ARHGAP29: variants seen among roughly 807,000 people sequenced by gnomAD.
The protein encoded by ARHGAP29 is Rho GTPase activating protein 29, also known as rho GTPase-activating protein 29.
A neutral mutation model predicts 122.6 loss-of-function variants in ARHGAP29; 43 were observed. The ratio of observed to expected loss-of-function variants is 0.35; its 90% CI spans 0.27 to 0.45. The LOEUF (loss-of-function observed/expected upper bound fraction) is 0.45. Ranked by LOEUF, ARHGAP29 falls within the 20% of genes least tolerant of loss-of-function variation. The pLI is 1.00. For missense variants in ARHGAP29, 1,303 were observed against 1,477.2 expected (o/e 0.88, Z 1.93); for synonymous variants, 506 against 497.1 (o/e 1.02, Z -0.24).
the ARHGAP29 span, among the ~76,000 whole-genome samples, chr1:94,309,251 G>A: frequency 1.6e-4 from 24 of 152,324 alleles, no homozygotes; most frequent in African/African-American, 5.8e-4. Flanking sequence ...TGATAGATGA[G>A]GAAACTGAGG....
intron 1 of ARHGAP29, among the ~76,000 whole-genome samples, chr1:94,272,565 T>G (rs1241978533): frequency 6.6e-6 from 1 of 152,220 alleles, no homozygotes; most frequent in African/African-American, 2.4e-5. Context: ...AGCCAGTGAT[T>G]GAAATGGGAA....
the ARHGAP29 span, among the ~76,000 whole-genome samples, chr1:94,284,205 A>C: frequency 1.3e-5 from 2 of 152,186 alleles, no homozygotes; most frequent in African/African-American, 4.8e-5. Flanking sequence ...TTAAGTGTTT[A>C]GAGAGCTTTA....
At chr1:94,245,063 A>G (rs1385716863) in intron 1 of ARHGAP29, among the ~76,000 whole-genome samples, 1 of 152,208 alleles carries the variant, frequency 6.6e-6, no homozygotes, top group Admixed American at 6.5e-5. Flanking sequence ...AATAGTCAGA[A>G]GAAATTTTAA....
chr1:94,184,910 A>C lies in ARHGAP29; in HGVS notation c.2071T>G (p.Cys691Gly). 1.9e-6 allele frequency: 3 copies of C among 1,609,100 alleles called. No individual in the cohort carries two copies. Among genetic ancestry groups the C allele is most frequent in the Non-Finnish European group, 2.5e-6 (3 of 1,178,488 alleles). Residue 691 changes from cysteine (C) to glycine (G), a missense_variant, in exon 18 of 23, where the codon TGT becomes GGT. By Grantham distance (159) the Cys-to-Gly change is radical. Around this residue, in one of 3 missense-constraint regions of ARHGAP29, gnomAD observed 91 missense variants for 177.8 expected, o/e 0.51. Coordinates refer to ENST00000260526, the MANE Select transcript of ARHGAP29 (RefSeq NM_004815.4). ...GCTCTATTTTCAATCTCTGAGGCAC[A>C]TATTTTGAGTATAAAAGGGATACCA... Reference protein sequence around the residue: ...PDGIPFILKICASEIENRALC... With the variant: ...PDGIPFILKIGASEIENRALC...
Position 94,189,970 on chromosome 1 carries a change from T to G in ARHGAP29, c.1395A>C (p.Glu465Asp), listed in dbSNP as rs762740606. ...KLYDPGQEYS[E>D]FVKATNSTEE... ...CAGTTGAATTTGTGGCCTTGACAAA[T>G]TCACTGTACTCTTGGCCTGGGTCAT... Residue 465 changes from glutamate (E) to aspartate (D), a missense_variant, in exon 13 of 23, where the codon GAA becomes GAC. By Grantham distance (45) the Glu-to-Asp change is conservative. Transcript: ENST00000260526. The G allele has an allele frequency of 1.3e-5, 21 of 1,613,368 alleles. No homozygotes were observed. Among genetic ancestry groups the G allele is most frequent in the Middle Eastern group, 3.3e-4 (2 of 6,080 alleles).
intron 2 of ARHGAP29, 63 bp downstream of exon 2, chr1:94,231,344 C>A: frequency 7.2e-7 from 1 of 1,398,194 alleles, no homozygotes. Flanking sequence ...AACTTATCTG[C>A]TAGGCCAGCA....
At position 94,208,919 on chromosome 1, in the gene ARHGAP29, T is replaced by C. The variant is rs746388373; in HGVS notation, c.438-15A>G. The C allele has an allele frequency of 3.2e-5, 52 of 1,608,120 alleles. No individual in the cohort carries two copies. The highest frequency in any genetic ancestry group is 2.0e-4 in the Admixed American group (12 of 59,700). On this transcript the variant is annotated splice_polypyrimidine_tract_variant and intron_variant, in intron 4 of 22. Coordinates refer to ENST00000260526, the MANE Select transcript of ARHGAP29 (RefSeq NM_004815.4). ...AGTTTGTAAGGCTATCCAAGGAGGT[T>C]AAAAAAAGAAAGACAAGTCATTATA...
chr1:94,296,952 G>C, the ARHGAP29 span, among the ~76,000 whole-genome samples: 1 of 152,174 alleles, frequency 6.6e-6, no homozygotes, highest in Non-Finnish European at 1.5e-5. Context: ...GCTTTTTATG[G>C]ATTTCATTTT....
the ARHGAP29 span, among the ~76,000 whole-genome samples, chr1:94,281,445 A>G: frequency 1.3e-5 from 2 of 151,286 alleles, no homozygotes; most frequent in Non-Finnish European, 3.0e-5. Context: ...GGAACAGCCC[A>G]GCACGTAAAG....
the ARHGAP29 span, among the ~76,000 whole-genome samples, chr1:94,284,874 T>A: frequency 1.3e-5 from 2 of 152,174 alleles, no homozygotes; most frequent in Admixed American, 1.3e-4. Context: ...CATAAACATA[T>A]GTTGAAGGAA....
intron 1 of ARHGAP29, among the ~76,000 whole-genome samples, chr1:94,269,221 G>T (rs1654899029): frequency 2.0e-5 from 3 of 152,148 alleles, no homozygotes; most frequent in Admixed American, 2.0e-4. Flanking sequence ...GAGCATTCAT[G>T]TAATTAACTT....
intron 5 of ARHGAP29, among the ~76,000 whole-genome samples, chr1:94,208,396 T>C (rs1014654535): frequency 2.6e-5 from 4 of 152,204 alleles, no homozygotes; most frequent in African/African-American, 9.6e-5. Context: ...TTAAAAACAT[T>C]ACTACCATAA....
intron 15 of ARHGAP29, among the ~76,000 whole-genome samples, chr1:94,187,911 C>G (rs895895538): frequency 6.6e-6 from 1 of 152,064 alleles, no homozygotes; most frequent in Non-Finnish European, 1.5e-5. Context: ...GAACCCAGTG[C>G]TGCGTGAAAA....
chr1:94,275,962 A>T (rs1655171003), upstream of ARHGAP29, among the ~76,000 whole-genome samples: 1 of 151,612 alleles, frequency 6.6e-6, no homozygotes, highest in Admixed American at 6.5e-5. Flanking sequence ...AACCTTAAAA[A>T]AAAAAAGTTT....
intron 1 of ARHGAP29, among the ~76,000 whole-genome samples, chr1:94,234,472 T>C (rs1653127184): frequency 6.6e-6 from 1 of 152,204 alleles, no homozygotes; most frequent in Non-Finnish European, 1.5e-5. Flanking sequence ...GGATTTCTAT[T>C]ATTGCTCCTC....
chr1:94,257,551 A>C (rs1427864780), intron 1 of ARHGAP29, among the ~76,000 whole-genome samples: 1 of 150,174 alleles, frequency 6.7e-6, no homozygotes, highest in African/African-American at 2.4e-5. Context: ...CTACAAAAGT[A>C]AAAAAAAAAT....
chr1:94,209,227 T>C, intron 4 of ARHGAP29, 27 bp downstream of exon 4: 1 of 1,496,326 alleles, frequency 6.7e-7, no homozygotes, highest in Non-Finnish European at 9.3e-7. Context: ...TAGGACTAGT[T>C]GCTTTAAATG....
intron 13 of ARHGAP29, 69 bp from the exon 14 acceptor site, chr1:94,189,421 C>G: frequency 7.0e-7 from 1 of 1,438,350 alleles, no homozygotes; most frequent in South Asian, 1.5e-5. Flanking sequence ...TGATTTCATT[C>G]TATGTTTAGA....
chr1:94,177,846 A>G lies in ARHGAP29; in HGVS notation c.2796+6T>C. On this transcript the variant is annotated splice_donor_region_variant and intron_variant, in intron 21 of 22. Transcript: ENST00000260526. ...TCTAATATAATTCTATAAAGGTCAA[A>G]CTCACTTCCTTTGAAGAAAAAAATA... The G allele has an allele frequency of 6.2e-7, 1 of 1,602,478 alleles. No individual in the cohort carries two copies. The highest frequency in any genetic ancestry group is 8.5e-7 in the Non-Finnish European group (1 of 1,176,032).
Sources: gnomAD v4.1 joint callset for allele counts (sites outside exome capture counted in the v4.1 genomes callset) on GRCh38, gnomAD v4.1.1 for gene constraint, gnomAD v4.1.1 regional missense constraint, MANE v1.5 for transcripts, NCBI Gene and HGNC (gene_info 2026-07-23, HGNC 2026-07-21) for gene names.